Variants in HECW1 observed in about 807,000 individuals in gnomAD.
HECW1 encodes the protein E3 ubiquitin-protein ligase HECW1.
A neutral mutation model predicts 182.3 loss-of-function variants in HECW1; 61 were observed. That is an observed-to-expected ratio of 0.33 (90% CI 0.27 to 0.41). The LOEUF (loss-of-function observed/expected upper bound fraction) is 0.41. Ranked by LOEUF, HECW1 falls within the 10% of genes least tolerant of loss-of-function variation. The probability of loss-of-function intolerance (pLI) is 1.00; values close to 1 mark genes in which losing one functional copy is unlikely to be tolerated. For synonymous variants in HECW1, 859 were observed against 832.6 expected, an observed-to-expected ratio of 1.03 and a Z score of -0.55; for missense variants, 1,739 against 2,108.9, an observed-to-expected ratio of 0.82 and a Z score of 3.44.
At chr7:43,198,251 A>T (rs1459342310) in intron 2 of HECW1, among the ~76,000 whole-genome samples, 2 of 149,388 alleles carry the variant, frequency 1.3e-5, no homozygotes, top group Non-Finnish European at 3.0e-5. Flanking sequence ...ACAGTCTCTC[A>T]CACACCCACT....
chr7:43,152,379 A>G (rs1789430247), intron 2 of HECW1, among the ~76,000 whole-genome samples: 1 of 152,218 alleles, frequency 6.6e-6, no homozygotes, highest in Non-Finnish European at 1.5e-5. Context: ...TGTGAACAAA[A>G]AAGTCCTAAT....
chr7:43,307,296 C>T (rs1260087179), intron 3 of HECW1, among the ~76,000 whole-genome samples: 1 of 152,060 alleles, frequency 6.6e-6, no homozygotes, highest in African/African-American at 2.4e-5. Context: ...TTCTTGTGGT[C>T]CTCCTATCAG....
At chr7:43,465,880 C>T (rs192766946) in intron 14 of HECW1, among the ~76,000 whole-genome samples, 17 of 147,492 alleles carry the variant, frequency 1.2e-4, no homozygotes, top group South Asian at 2.1e-4. Context: ...GATGACAGAG[C>T]GAGACGCTGT....
chr7:43,330,014 A>C (rs1043241901), intron 5 of HECW1, among the ~76,000 whole-genome samples: 1 of 152,222 alleles, frequency 6.6e-6, no homozygotes, highest in Non-Finnish European at 1.5e-5. Context: ...ACGGAATTCC[A>C]TCGAGGAGCA....
intron 15 of HECW1, among the ~76,000 whole-genome samples, chr7:43,467,716 C>G (rs2077844137): frequency 6.6e-6 from 1 of 152,060 alleles, no homozygotes. Context: ...AGGGACATTT[C>G]TCGTGGACTC....
chr7:43,374,773 CAAAAAA>C (rs66910107), intron 6 of HECW1, among the ~76,000 whole-genome samples: 2 of 14,502 alleles, frequency 1.4e-4, no homozygotes, highest in Non-Finnish European at 1.8e-4. Flanking sequence ...GACTCCGTCT[CAAAAAA>C]AAAAAAAAAA....
At chr7:43,268,556 G>A (rs1438334528) in intron 3 of HECW1, among the ~76,000 whole-genome samples, 1 of 152,202 alleles carries the variant, frequency 6.6e-6, no homozygotes, top group African/African-American at 2.4e-5. Flanking sequence ...ACTGTGCCCT[G>A]GACAGCCTCA....
At chr7:43,140,491 T>C (rs1296575714) in intron 2 of HECW1, among the ~76,000 whole-genome samples, 1 of 152,234 alleles carries the variant, frequency 6.6e-6, no homozygotes, top group Non-Finnish European at 1.5e-5. Context: ...TCACACTCAT[T>C]AACCGTGAAG....
At chr7:43,251,207 TG>T (rs1799990557) in intron 3 of HECW1, among the ~76,000 whole-genome samples, 1 of 152,232 alleles carries the variant, frequency 6.6e-6, no homozygotes, top group South Asian at 2.1e-4. Context: ...AGAAGCTGTC[TG>T]TCGAAGAATG....
intron 5 of HECW1, among the ~76,000 whole-genome samples, chr7:43,360,521 C>T (rs1186529981): frequency 6.6e-6 from 1 of 152,166 alleles, no homozygotes; most frequent in African/African-American, 2.4e-5. Context: ...ATATTAATCA[C>T]AATGAATTAA....
chr7:43,201,701 G>A lies in HECW1; in HGVS notation c.-31-42174G>A, dbSNP rs188632102. 2.4e-3 allele frequency among the ~76,000 whole-genome samples: 359 copies of A among 152,278 alleles called. 2 individuals carry two copies. Among genetic ancestry groups the A allele is most frequent in the African/African-American group, 8.2e-3 (339 of 41,554 alleles). ...GCAATTCTCCTAGACTCTAGACTAGGGAATCTTGGTCAGAGAATTTGTCTG... is the reference window on the plus strand; with the variant it reads ...GCAATTCTCCTAGACTCTAGACTAGAGAATCTTGGTCAGAGAATTTGTCTG... On this transcript the variant is annotated intron_variant, in intron 2 of 29. Transcript: ENST00000395891.
At chr7:43,471,683 C>T (rs1292287091) in intron 16 of HECW1, among the ~76,000 whole-genome samples, 1 of 152,154 alleles carries the variant, frequency 6.6e-6, no homozygotes, top group African/African-American at 2.4e-5. Context: ...TGCCTCAAAC[C>T]TCATTCCAAG....
chr7:43,539,333 G>T (rs938559311), intron 24 of HECW1, among the ~76,000 whole-genome samples: 2 of 152,134 alleles, frequency 1.3e-5, no homozygotes, highest in Non-Finnish European at 2.9e-5. Context: ...ATAGCAGAAA[G>T]GTTTACTGTC....
chr7:43,168,547 C>A, intron 2 of HECW1, among the ~76,000 whole-genome samples: 1 of 146,068 alleles, frequency 6.8e-6, no homozygotes, highest in Admixed American at 6.6e-5. Context: ...GAGGTCCCAG[C>A]TACTCAGGAG....
intron 2 of HECW1, among the ~76,000 whole-genome samples, chr7:43,214,285 G>T (rs1023500304): frequency 6.6e-6 from 1 of 151,964 alleles, no homozygotes; most frequent in East Asian, 1.9e-4. Flanking sequence ...TTAGAAATGT[G>T]AAAGGAGATT....
intron 16 of HECW1, among the ~76,000 whole-genome samples, chr7:43,474,341 C>T (rs1021119346): frequency 3.3e-5 from 5 of 152,088 alleles, no homozygotes; most frequent in East Asian, 3.9e-4. Context: ...CCCAGCTACT[C>T]GGGAGGCTGA....
intron 5 of HECW1, among the ~76,000 whole-genome samples, chr7:43,353,779 C>T (rs1814756461): frequency 6.6e-6 from 1 of 152,188 alleles, no homozygotes; most frequent in African/African-American, 2.4e-5. Flanking sequence ...CCTGCCTCAA[C>T]CCACGAGAAG....
In HECW1 at chr7:43,445,195, G is replaced by T; in HGVS notation, c.2023G>T (p.Ala675Ser). The change falls in exon 11 of 30, where the codon GCG becomes TCG. Residue 675 changes from alanine (A) to serine (S), a missense_variant. Physicochemically the swap from Ala to Ser is moderately conservative, Grantham distance 99. Around this residue, in one of 5 missense-constraint regions of HECW1, gnomAD observed 971 missense variants for 1,029.1 expected, o/e 0.94. Coordinates refer to ENST00000395891, the MANE Select transcript of HECW1 (RefSeq NM_015052.5). ...GGACCACAGTTGCGAGGGCTGTGACGCGTCCTGCTGCAGCCCCTCGTGCTA... is the reference window on the plus strand; with the variant it reads ...GGACCACAGTTGCGAGGGCTGTGACTCGTCCTGCTGCAGCCCCTCGTGCTA... ...GGDHSCEGCD[A>S]SCCSPSCYSS... 14 of 1,612,794 alleles carry T rather than the reference G, an allele frequency of 8.7e-6. No individual in the cohort carries two copies. Among genetic ancestry groups the T allele is most frequent in the Non-Finnish European group, 1.1e-5 (13 of 1,179,554 alleles).
At chr7:43,380,535 T>G (rs10245364) in intron 6 of HECW1, among the ~76,000 whole-genome samples, 53,351 of 151,866 alleles carry the variant, frequency 0.35, 9,671 homozygotes, top group East Asian at 0.52. Flanking sequence ...TGTATGTGAT[T>G]TTTTCCCCCT....
Sources: allele counts gnomAD v4.1 joint callset (sites outside exome capture counted in the v4.1 genomes callset), GRCh38; gene constraint gnomAD v4.1.1; regional missense constraint gnomAD v4.1.1; transcripts MANE v1.5; gene names NCBI Gene and HGNC (gene_info 2026-07-23, HGNC 2026-07-21).